Variants in BICC1 observed in about 807,000 individuals in gnomAD.
BICC1 encodes protein bicaudal C homolog 1.
BICC1 carries 43 observed loss-of-function variants against 111.0 expected under a neutral mutation model. The ratio of observed to expected loss-of-function variants is 0.39; its 90% CI spans 0.30 to 0.50. The LOEUF (loss-of-function observed/expected upper bound fraction) is 0.50, where lower values mean the gene tolerates loss of function less well. Ranked by LOEUF, BICC1 falls within the 20% of genes least tolerant of loss-of-function variation. The pLI is 0.88. For missense variants in BICC1, 1,091 were observed against 1,203.2 expected (o/e 0.91, Z 1.38); for synonymous variants, 467 against 434.4 (o/e 1.07, Z -0.93).
intron 3 of BICC1, among the ~76,000 whole-genome samples, chr10:58,766,361 T>A (rs72804405): frequency 2.0e-5 from 3 of 152,214 alleles, no homozygotes; most frequent in Non-Finnish European, 2.9e-5. Flanking sequence ...ATGACCCCCA[T>A]GTGTGTATTT....
At chr10:58,819,431 T>C (rs1844190310) in intron 19 of BICC1, among the ~76,000 whole-genome samples, 1 of 152,184 alleles carries the variant, frequency 6.6e-6, no homozygotes, top group Non-Finnish European at 1.5e-5. Flanking sequence ...TTTGGTCATC[T>C]GCTTTTTTCA....
intron 16 of BICC1, 55 bp downstream of exon 16, chr10:58,806,678 GT>G: frequency 7.1e-7 from 1 of 1,398,986 alleles, no homozygotes; most frequent in Non-Finnish European, 1.0e-6. Context: ...ACTCATAAAT[GT>G]TTTTTGAGTA....
intron 1 of BICC1, among the ~76,000 whole-genome samples, chr10:58,555,306 A>ATTTTTTTTTTTTTTTTTTT (rs61692850): frequency 9.8e-6 from 1 of 102,536 alleles, no homozygotes; most frequent in Non-Finnish European, 1.9e-5. Context: ...GCTGTTGGAC[A>ATTTTTTTTTTTTTTTTTTT]TTTTTTTTTT....
chr10:58,573,964 A>G (rs570315037), intron 1 of BICC1, among the ~76,000 whole-genome samples: 10 of 152,244 alleles, frequency 6.6e-5, no homozygotes, highest in Non-Finnish European at 1.5e-4. Flanking sequence ...ACCCATGAGA[A>G]ATAATTTTTA....
intron 1 of BICC1, among the ~76,000 whole-genome samples, chr10:58,519,554 A>G (rs562921866): frequency 1.3e-5 from 2 of 152,298 alleles, no homozygotes; most frequent in African/African-American, 4.8e-5. Flanking sequence ...GATAATCTGT[A>G]GGAACTTATG....
chr10:58,795,580 CCCAGGG>C (rs960673799), intron 9 of BICC1, among the ~76,000 whole-genome samples: 1 of 151,922 alleles, frequency 6.6e-6, no homozygotes, highest in African/African-American at 2.4e-5. Context: ...CTTGCAGCAT[CCCAGGG>C]CCATTTAATT....
Position 58,721,597 on chromosome 10 carries a change from A to T in BICC1, c.307+19454A>T, listed in dbSNP as rs1046472360. 2.0e-5 allele frequency among the ~76,000 whole-genome samples: 3 copies of T among 152,208 alleles called. No individual in the cohort carries two copies. The East Asian group carries it at 5.8e-4, about 29-fold the overall frequency. ...AACCATCTGCAAAAGTATTACAGTG[A>T]TCTCAAGTGGAACATAGGCACTTGA... On this transcript the variant is annotated intron_variant, in intron 3 of 20. Transcript: ENST00000373886.
In BICC1 at chr10:58,803,288, G is replaced by A. The variant is rs772913841; in HGVS notation, c.2181+46G>A. ...AAGCCACTCAAATGTCATATGTTTG[G>A]GTTCTGGTATGGAGAATTCAGTGAG... On this transcript the variant is annotated intron_variant, in intron 15 of 20. Transcript: ENST00000373886. 2.6e-6 allele frequency: 4 copies of A among 1,525,372 alleles called. No homozygotes were observed. The East Asian group carries it at 9.3e-5, about 35-fold the overall frequency. The allele number at this position is 1,525,372 out of a possible 1,614,324, so 94.5% of individuals were successfully genotyped here. A position where few individuals can be genotyped will look rare whatever the true frequency, so the allele number is the denominator to read the frequency against.
intron 2 of BICC1, among the ~76,000 whole-genome samples, chr10:58,640,780 T>TA (rs1189415840): frequency 6.6e-6 from 1 of 152,172 alleles, no homozygotes; most frequent in East Asian, 1.9e-4. Context: ...ATAGAATAAT[T>TA]ACTGATTATA....
At chr10:58,634,525 T>C (rs1837895737) in intron 2 of BICC1, among the ~76,000 whole-genome samples, 1 of 152,200 alleles carries the variant, frequency 6.6e-6, no homozygotes, top group African/African-American at 2.4e-5. Context: ...TTGGAAAAGC[T>C]CCTCAGGTGA....
At chr10:58,820,266 C>A (rs1844215457) in intron 19 of BICC1, 103 bp from the exon 20 acceptor site, 1 of 702,950 alleles carries the variant, frequency 1.4e-6, no homozygotes, top group African/African-American at 1.8e-5. Context: ...TGGAAGTAGG[C>A]AGAGCATAAT....
intron 1 of BICC1, among the ~76,000 whole-genome samples, chr10:58,566,568 A>G (rs538180333): frequency 6.6e-6 from 1 of 152,170 alleles, no homozygotes; most frequent in Non-Finnish European, 1.5e-5. Context: ...TAGGTCTTTA[A>G]GGAAACCACA....
chr10:58,581,099 C>T (rs901983485), intron 1 of BICC1, among the ~76,000 whole-genome samples: 1 of 151,918 alleles, frequency 6.6e-6, no homozygotes, highest in African/African-American at 2.4e-5. Flanking sequence ...TTTCAGTTTT[C>T]CATACTTATA....
chr10:58,522,003 T>A (rs1019092080), intron 1 of BICC1, among the ~76,000 whole-genome samples: 1 of 151,940 alleles, frequency 6.6e-6, no homozygotes, highest in African/African-American at 2.4e-5. Flanking sequence ...CTTTTCTTTC[T>A]TTGATTTCCT....
At chr10:58,799,962 T>C (rs943813019) in intron 12 of BICC1, among the ~76,000 whole-genome samples, 7 of 152,326 alleles carry the variant, frequency 4.6e-5, no homozygotes, top group Non-Finnish European at 5.9e-5. Context: ...TTTAATGATA[T>C]TGATTCTCCT....
chr10:58,728,293 C>A (rs892923332), intron 3 of BICC1, among the ~76,000 whole-genome samples: 1 of 152,220 alleles, frequency 6.6e-6, no homozygotes, highest in South Asian at 2.1e-4. Context: ...TAGTATTATA[C>A]ATTTTTGGTT....
At chr10:58,529,210 T>A (rs1842619822) in intron 1 of BICC1, among the ~76,000 whole-genome samples, 1 of 151,944 alleles carries the variant, frequency 6.6e-6, no homozygotes, top group Non-Finnish European at 1.5e-5. Flanking sequence ...ATTTTCCTTT[T>A]CCTCTGCTAA....
intron 1 of BICC1, among the ~76,000 whole-genome samples, chr10:58,615,586 G>A (rs142275263): frequency 3.3e-5 from 5 of 152,236 alleles, no homozygotes; most frequent in African/African-American, 4.8e-5. Flanking sequence ...ATAAAGCCAC[G>A]TTGAAACCCC....
At chr10:58,520,512 A>G (rs1303743011) in intron 1 of BICC1, among the ~76,000 whole-genome samples, 1 of 152,120 alleles carries the variant, frequency 6.6e-6, no homozygotes, top group Admixed American at 6.6e-5. Flanking sequence ...TGTATTTGTA[A>G]CAAGTATTAA....
Sources: gnomAD v4.1 joint callset for allele counts (sites outside exome capture counted in the v4.1 genomes callset) on GRCh38, gnomAD v4.1.1 for gene constraint, MANE v1.5 for transcripts, NCBI Gene and HGNC (gene_info 2026-07-23, HGNC 2026-07-21) for gene names.